The following HS2ST1 variants were observed in gnomAD, a reference collection of about 807,000 sequenced individuals.
The protein encoded by HS2ST1 is 2-O-sulfotransferase.
A neutral mutation model predicts 42.9 loss-of-function variants in HS2ST1; 18 were observed. The observed-to-expected ratio is 0.42, with a 90% confidence interval of 0.29 to 0.62. The LOEUF (loss-of-function observed/expected upper bound fraction) is 0.62. Among genes scored for constraint, HS2ST1 ranks in the 20% least tolerant of loss-of-function variants. The pLI is 0.21. For synonymous variants in HS2ST1, 146 were observed against 152.9 expected, an observed-to-expected ratio of 0.95 and a Z score of 0.33; for missense variants, 334 against 433.8, an observed-to-expected ratio of 0.77 and a Z score of 2.04.
At chr1:87,031,084 C>T (rs1454205706) in intron 1 of HS2ST1, among the ~76,000 whole-genome samples, 1 of 152,058 alleles carries the variant, frequency 6.6e-6, no homozygotes, top group Non-Finnish European at 1.5e-5. Context: ...GGGCCATAGA[C>T]TCACGCCCCC....
At chr1:86,930,929 A>G (rs1270522388) in intron 1 of HS2ST1, among the ~76,000 whole-genome samples, 1 of 152,048 alleles carries the variant, frequency 6.6e-6, no homozygotes, top group African/African-American at 2.4e-5. Flanking sequence ...AATTTTGGGC[A>G]TTTATAGTAT....
At chr1:86,922,681 T>A in intron 1 of HS2ST1, among the ~76,000 whole-genome samples, 1 of 152,224 alleles carries the variant, frequency 6.6e-6, no homozygotes, top group Non-Finnish European at 1.5e-5. Flanking sequence ...GCATTGTTTC[T>A]GATGAGAAGG....
At chr1:87,002,204 G>T (rs973216555) in intron 1 of HS2ST1, among the ~76,000 whole-genome samples, 3 of 152,202 alleles carry the variant, frequency 2.0e-5, no homozygotes, top group Non-Finnish European at 4.4e-5. Flanking sequence ...GAGCCACCGT[G>T]CCCGGCCGGA....
chr1:87,046,559 G>A, intron 1 of HS2ST1: 24 of 1,574,016 alleles, frequency 1.5e-5, no homozygotes, highest in Non-Finnish European at 2.0e-5. Context: ...GTTGATAATG[G>A]ACAAACTATG....
At chr1:87,016,089 A>G (rs1247015635) in intron 1 of HS2ST1, among the ~76,000 whole-genome samples, 2 of 152,184 alleles carry the variant, frequency 1.3e-5, no homozygotes, top group Admixed American at 1.3e-4. Context: ...TGCTGGGATT[A>G]CAGGTGTGAG....
At chr1:86,931,718 A>C (rs1182228737) in intron 1 of HS2ST1, among the ~76,000 whole-genome samples, 4 of 152,132 alleles carry the variant, frequency 2.6e-5, no homozygotes, top group Non-Finnish European at 5.9e-5. Flanking sequence ...TGCAGAATCC[A>C]TCAGTGTGGA....
intron 1 of HS2ST1, among the ~76,000 whole-genome samples, chr1:87,024,443 G>T (rs114301636): frequency 6.6e-6 from 1 of 151,442 alleles, no homozygotes; most frequent in African/African-American, 2.4e-5. Context: ...GGAGGCTTCC[G>T]TGAGCCGAGA....
chr1:87,049,744 A>G (rs867753615), intron 1 of HS2ST1, among the ~76,000 whole-genome samples: 1 of 151,994 alleles, frequency 6.6e-6, no homozygotes, highest in Non-Finnish European at 1.5e-5. Context: ...TGCATTCTGG[A>G]TGGAGTGGTC....
intron 1 of HS2ST1, among the ~76,000 whole-genome samples, chr1:87,005,656 T>G (rs994810642): frequency 6.6e-6 from 1 of 152,288 alleles, no homozygotes. Flanking sequence ...AAGTATTCAG[T>G]TGGCCTTCGT....
In HS2ST1 at chr1:87,103,592, A is replaced by G; in HGVS notation, c.844+3A>G. On this transcript the variant is annotated splice_donor_region_variant and intron_variant, in intron 6 of 6. Coordinates refer to ENST00000370550, the MANE Select transcript of HS2ST1 (RefSeq NM_012262.4). ...TGCTACTGAACTCTATCGCACAGGT[A>G]TATAAAGGAAGGGTTTCTTTTTAAA... 6.4e-7 allele frequency: 1 copy of G among 1,557,002 alleles called. No homozygotes were observed. The highest frequency in any genetic ancestry group is 8.6e-7 in the Non-Finnish European group (1 of 1,157,446).
intron 1 of HS2ST1, among the ~76,000 whole-genome samples, chr1:86,964,464 C>A (rs1023834798): frequency 5.3e-5 from 8 of 152,222 alleles, no homozygotes; most frequent in Non-Finnish European, 1.0e-4. Context: ...AGCGAAACCC[C>A]GTCTCCACCA....
intron 1 of HS2ST1, among the ~76,000 whole-genome samples, chr1:86,983,459 AACTC>A (rs1287496001): frequency 9.9e-5 from 15 of 152,192 alleles, no homozygotes; most frequent in African/African-American, 2.2e-4. Flanking sequence ...ATCTTGCGAG[AACTC>A]ACTCACTATC....
chr1:86,979,211 G>T (rs773074620), intron 1 of HS2ST1, among the ~76,000 whole-genome samples: 1 of 151,988 alleles, frequency 6.6e-6, no homozygotes, highest in South Asian at 2.1e-4. Flanking sequence ...TAAAATATAC[G>T]TAAAACTTGT....
chr1:86,921,271 G>A (rs906347211), intron 1 of HS2ST1, among the ~76,000 whole-genome samples: 2 of 152,004 alleles, frequency 1.3e-5, no homozygotes, highest in Admixed American at 1.3e-4. Context: ...TGATAATTGT[G>A]GATTTGTCTG....
At chr1:86,969,306 C>T (rs563906568) in intron 1 of HS2ST1, among the ~76,000 whole-genome samples, 1 of 152,068 alleles carries the variant, frequency 6.6e-6, no homozygotes, top group African/African-American at 2.4e-5. Flanking sequence ...CTTTCTATGC[C>T]CTTTTCTTTC....
chr1:86,954,056 A>G (rs1442789061), intron 1 of HS2ST1, among the ~76,000 whole-genome samples: 1 of 149,426 alleles, frequency 6.7e-6, no homozygotes, highest in Non-Finnish European at 1.5e-5. Flanking sequence ...AAAAAAAAAA[A>G]AAAAAAAAAA....
intron 1 of HS2ST1, chr1:87,046,522 G>T: frequency 6.6e-7 from 1 of 1,516,858 alleles, no homozygotes; most frequent in Non-Finnish European, 9.1e-7. Context: ...TTTTTACCAA[G>T]CTTTTTAAAG....
At position 86,968,103 on chromosome 1, in the gene HS2ST1, A is replaced by G. The variant is rs548599914; in HGVS notation, c.124+52943A>G. 1.3e-3 allele frequency among the ~76,000 whole-genome samples: 205 copies of G among 152,232 alleles called. 1 individual carries two copies. Among genetic ancestry groups the G allele is most frequent in the Non-Finnish European group, 1.6e-3 (110 of 68,012 alleles). On this transcript the variant is annotated intron_variant, in intron 1 of 6. Transcript: ENST00000370550. Reference sequence around the variant, plus strand: ...GCCATTTGTATATCTTCTTTTCAAAAATGTCGTTTGCCCACTTATTGATGG... The same window carrying G: ...GCCATTTGTATATCTTCTTTTCAAAGATGTCGTTTGCCCACTTATTGATGG...
chr1:86,915,311 A>G (rs1001631927), intron 1 of HS2ST1, 151 bp downstream of exon 1: 6 of 872,490 alleles, frequency 6.9e-6, no homozygotes, highest in South Asian at 5.4e-5. Flanking sequence ...CAGCGAGAGC[A>G]CGAGCTCCAA....
Sources: allele counts gnomAD v4.1 joint callset (sites outside exome capture counted in the v4.1 genomes callset), GRCh38; gene constraint gnomAD v4.1.1; transcripts MANE v1.5; gene names NCBI Gene and HGNC (gene_info 2026-07-23, HGNC 2026-07-21).